The following CDKN2B-AS1 variants were observed in gnomAD, a reference collection of about 807,000 sequenced individuals.
The protein encoded by CDKN2B-AS1 is CDKN2B antisense RNA 1 (non-protein coding).
chr9:22,090,994 A>G (rs1430195637), intron 4 of CDKN2B-AS1, among the ~76,000 whole-genome samples: 2 of 152,076 alleles, frequency 1.3e-5, no homozygotes, highest in African/African-American at 2.4e-5. Context: ...ATCTTGAACT[A>G]ATTTTTGTAT....
intron 4 of CDKN2B-AS1, among the ~76,000 whole-genome samples, chr9:22,101,008 T>C (rs1245562732): frequency 1.3e-5 from 2 of 152,348 alleles, no homozygotes; most frequent in African/African-American, 2.4e-5. Flanking sequence ...TTTACCTCCC[T>C]ATTCTTGACT....
intron 1 of CDKN2B-AS1, among the ~76,000 whole-genome samples, chr9:22,013,877 A>G (rs1821623402): frequency 6.6e-6 from 1 of 152,076 alleles, no homozygotes; most frequent in Admixed American, 6.6e-5. Flanking sequence ...ATGCTTCTTT[A>G]TAATGACACT....
rs564973495 is a variant in CDKN2B-AS1 at position 22,083,956 on chromosome 9, A to C, written n.438+27569A>C. On this transcript the variant is annotated intron_variant and non_coding_transcript_variant, in intron 4 of 4. Transcript: ENST00000650946. ...AAACTTCAGTTTTCCCTCAATAATT[A>C]ATCACTTTACATCTTTGTGATCTTA... 1.5e-3 allele frequency among the ~76,000 whole-genome samples: 222 copies of C among 152,304 alleles called. 1 individual carries two copies. The highest frequency in any genetic ancestry group is 5.1e-3 in the African/African-American group (212 of 41,558).
intron 4 of CDKN2B-AS1, among the ~76,000 whole-genome samples, chr9:22,101,935 G>A (rs1315915380): frequency 6.6e-6 from 1 of 152,142 alleles, no homozygotes. Context: ...ACTGTCTATG[G>A]CACATACCTT....
At chr9:22,078,785 CT>C (rs1311934424) in intron 4 of CDKN2B-AS1, among the ~76,000 whole-genome samples, 1 of 152,202 alleles carries the variant, frequency 6.6e-6, no homozygotes, top group African/African-American at 2.4e-5. Context: ...TCTTCTCACT[CT>C]GTAAATCAGC....
chr9:22,116,028 G>A (rs777611251), intron 4 of CDKN2B-AS1, among the ~76,000 whole-genome samples: 11 of 152,152 alleles, frequency 7.2e-5, no homozygotes, highest in Admixed American at 3.3e-4. Context: ...GAAAAGAGCT[G>A]CCCAATAAAT....
chr9:22,012,355 G>A lies in CDKN2B-AS1; in HGVS notation n.29+17194G>A, dbSNP rs374614193. 161 of 1,151,978 alleles carry A rather than the reference G, an allele frequency of 1.4e-4. 1 individual carries two copies. The East Asian group carries it at 1.6e-3, about 12-fold the overall frequency. 71.4% of individuals were successfully genotyped at this position (1,151,978 alleles called of 1,614,324 possible). A position where few individuals can be genotyped will look rare whatever the true frequency, so the allele number is the denominator to read the frequency against. On this transcript the variant is annotated intron_variant and non_coding_transcript_variant, in intron 1 of 4. Transcript: ENST00000650946. Reference sequence around the variant, plus strand: ...ACAACGTCCAGAAACAGCCCACCCCGCACCTGGTGCTGCACCTGCGAGGTG... The same window carrying A: ...ACAACGTCCAGAAACAGCCCACCCCACACCTGGTGCTGCACCTGCGAGGTG...
intron 1 of CDKN2B-AS1, chr9:22,003,770 A>G: frequency 4.3e-6 from 1 of 232,020 alleles, no homozygotes; most frequent in Non-Finnish European, 8.5e-6. Flanking sequence ...TATTCTCCAT[A>G]TTGTTGACAT....
At chr9:22,068,704 G>A (rs1389743133) in intron 4 of CDKN2B-AS1, among the ~76,000 whole-genome samples, 1 of 152,196 alleles carries the variant, frequency 6.6e-6, no homozygotes, top group Non-Finnish European at 1.5e-5. Context: ...ACGTGGATAT[G>A]TGCTTTCTGA....
chr9:22,015,521 T>C (rs1326840724), intron 1 of CDKN2B-AS1, among the ~76,000 whole-genome samples: 1 of 152,122 alleles, frequency 6.6e-6, no homozygotes, highest in Non-Finnish European at 1.5e-5. Flanking sequence ...TGAATTTTAA[T>C]TGGGATTGTG....
intron 4 of CDKN2B-AS1, among the ~76,000 whole-genome samples, chr9:22,076,495 TTTAATTTTAA>T (rs759993635): frequency 2.0e-5 from 3 of 152,202 alleles, no homozygotes; most frequent in Non-Finnish European, 4.4e-5. Flanking sequence ...ATTAATTTAA[TTTAATTTTAA>T]AAATATATTT....
At chr9:22,054,130 T>C (rs1473797906) in intron 3 of CDKN2B-AS1, among the ~76,000 whole-genome samples, 1 of 152,210 alleles carries the variant, frequency 6.6e-6, no homozygotes, top group Non-Finnish European at 1.5e-5. Flanking sequence ...CACTATCTCA[T>C]TTAATCCTCA....
intron 4 of CDKN2B-AS1, among the ~76,000 whole-genome samples, chr9:22,083,819 A>G (rs778837976): frequency 1.3e-5 from 2 of 152,174 alleles, no homozygotes; most frequent in East Asian, 3.9e-4. Flanking sequence ...TTAGTTGGAT[A>G]TTAGAGTCTA....
intron 1 of CDKN2B-AS1, among the ~76,000 whole-genome samples, chr9:22,026,039 C>T (rs1053781544): frequency 6.6e-6 from 1 of 151,858 alleles, no homozygotes; most frequent in African/African-American, 2.4e-5. Flanking sequence ...TAGCCGGGGA[C>T]CCCAGATGGG....
chr9:22,081,829 C>T (rs1824708648), intron 4 of CDKN2B-AS1, among the ~76,000 whole-genome samples: 1 of 152,220 alleles, frequency 6.6e-6, no homozygotes, highest in Non-Finnish European at 1.5e-5. Flanking sequence ...GCACCCAATC[C>T]TTAATGGACA....
At position 22,054,284 on chromosome 9, in the gene CDKN2B-AS1, G is replaced by A. The variant is rs143117399; in HGVS notation, n.303-1968G>A. Among the ~76,000 whole-genome samples, 540 of 152,258 alleles carry A rather than the reference G, an allele frequency of 3.5e-3. 4 individuals carry two copies. Among genetic ancestry groups the A allele is most frequent in the Admixed American group, 5.9e-3 (90 of 15,300 alleles). On this transcript the variant is annotated intron_variant and non_coding_transcript_variant, in intron 3 of 4. Transcript: ENST00000650946. ...GGAATGTGAATCTCTGCAGTTTGAC[G>A]CCAGAGTGCATGCTCTTAGTCACTA...
rs1563955960 is a variant in CDKN2B-AS1 at position 22,062,228 on chromosome 9, A to G, written n.438+5841A>G. Among the ~76,000 whole-genome samples the G allele has an allele frequency of 2.0e-5, 3 of 152,220 alleles. No homozygotes were observed. In the South Asian group the frequency reaches 6.2e-4, roughly 31 times the overall value. ...CCTCCATAACCTCTGGACAATAAAA[A>G]TGCACCATGCTATTGTTAGCATGAT... On this transcript the variant is annotated intron_variant and non_coding_transcript_variant, in intron 4 of 4. Coordinates refer to ENST00000650946, the Ensembl canonical transcript of CDKN2B-AS1.
intron 1 of CDKN2B-AS1, chr9:22,008,865 A>G (rs1164173144): frequency 6.2e-7 from 1 of 1,611,920 alleles, no homozygotes; most frequent in East Asian, 2.2e-5. Context: ...GAGCTGTCGC[A>G]CCTTCTCCAC....
At position 22,033,422 on chromosome 9, in the gene CDKN2B-AS1, C is replaced by A. The variant is rs180807424; in HGVS notation, n.30-13329C>A. 6.6e-4 allele frequency among the ~76,000 whole-genome samples: 101 copies of A among 152,124 alleles called. 2 individuals carry two copies. The East Asian group carries it at 0.017, about 25-fold the overall frequency. Reference sequence around the variant, plus strand: ...ATATGCCAGCAAAATTTAATAATAGCACCTAAACATACACATGCATATGTA... The same window carrying A: ...ATATGCCAGCAAAATTTAATAATAGAACCTAAACATACACATGCATATGTA... On this transcript the variant is annotated intron_variant and non_coding_transcript_variant, in intron 1 of 4. Coordinates refer to ENST00000650946, the Ensembl canonical transcript of CDKN2B-AS1.
Sources: allele counts gnomAD v4.1 joint callset (sites outside exome capture counted in the v4.1 genomes callset), GRCh38; gene constraint gnomAD v4.1.1; transcripts MANE v1.5; gene names NCBI Gene and HGNC (gene_info 2026-07-23, HGNC 2026-07-21).